STK33: variants seen among roughly 807,000 people sequenced by gnomAD.
The protein encoded by STK33 is serine/threonine-protein kinase 33.
A neutral mutation model predicts 58.0 loss-of-function variants in STK33; 52 were observed. That is an observed-to-expected ratio of 0.90 (90% CI 0.72 to 1.13). The LOEUF is 1.13. Ranked by LOEUF, STK33 falls within the 50% of genes most tolerant of loss-of-function variation. The pLI, the probability that STK33 is intolerant of heterozygous loss-of-function variation, is 0.00. For synonymous variants in STK33, 215 were observed against 200.1 expected, an observed-to-expected ratio of 1.07 and a Z score of -0.63; for missense variants, 630 against 604.2, an observed-to-expected ratio of 1.04 and a Z score of -0.45.
intron 7 of STK33, among the ~76,000 whole-genome samples, chr11:8,463,971 G>GT (rs1947868239): frequency 6.6e-6 from 1 of 152,120 alleles, no homozygotes; most frequent in Non-Finnish European, 1.5e-5. Flanking sequence ...GGGACAAATG[G>GT]TATGTAATTT....
At chr11:8,351,070 G>A in the STK33 span, among the ~76,000 whole-genome samples, 1 of 151,958 alleles carries the variant, frequency 6.6e-6, no homozygotes, top group Non-Finnish European at 1.5e-5. Flanking sequence ...TCCTCTCCTG[G>A]GGTCCCCAGA....
chr11:8,424,586 C>A (rs1321378719), intron 14 of STK33, among the ~76,000 whole-genome samples: 1 of 151,544 alleles, frequency 6.6e-6, no homozygotes, highest in South Asian at 2.1e-4. Flanking sequence ...AATGGTTGAA[C>A]TAGTTTACAG....
chr11:8,499,112 C>G (rs1565200830), intron 1 of STK33, among the ~76,000 whole-genome samples: 1 of 152,164 alleles, frequency 6.6e-6, no homozygotes, highest in African/African-American at 2.4e-5. Flanking sequence ...AGCTTCTGCA[C>G]AGCAAAAGAA....
chr11:8,408,244 C>T (rs1422409913), intron 15 of STK33, among the ~76,000 whole-genome samples: 1 of 152,090 alleles, frequency 6.6e-6, no homozygotes, highest in Non-Finnish European at 1.5e-5. Context: ...GAAATTGAAG[C>T]AATACTTGTT....
At chr11:8,411,160 G>T (rs1287221294) in intron 15 of STK33, among the ~76,000 whole-genome samples, 3 of 152,226 alleles carry the variant, frequency 2.0e-5, no homozygotes, top group Non-Finnish European at 2.9e-5. Flanking sequence ...TTGTCTTAGA[G>T]AATTCAGAGG....
At chr11:8,551,117 G>A (rs1052157551) in intron 1 of STK33, among the ~76,000 whole-genome samples, 1 of 151,996 alleles carries the variant, frequency 6.6e-6, no homozygotes, top group African/African-American at 2.4e-5. Context: ...AATTATTTAA[G>A]TCAGTTATTC....
intron 11 of STK33, among the ~76,000 whole-genome samples, chr11:8,450,678 A>G (rs965406036): frequency 3.3e-5 from 5 of 152,190 alleles, no homozygotes; most frequent in Non-Finnish European, 7.3e-5. Context: ...CATAACCCTA[A>G]CATCAGAAAA....
chr11:8,526,902 T>A (rs536524454), intron 1 of STK33, among the ~76,000 whole-genome samples: 1 of 144,598 alleles, frequency 6.9e-6, no homozygotes, highest in African/African-American at 2.5e-5. Context: ...AAGGTAAAAC[T>A]AGAGACACAT....
At chr11:8,584,110 G>GAAAA (rs35914021) in intron 1 of STK33, among the ~76,000 whole-genome samples, 2 of 126,622 alleles carry the variant, frequency 1.6e-5, no homozygotes, top group African/African-American at 2.9e-5. Flanking sequence ...GAATTTAGAT[G>GAAAA]AAAAAAAAAA....
At chr11:8,440,920 G>A (rs1445563678) in intron 11 of STK33, among the ~76,000 whole-genome samples, 167 bp from the exon 12 acceptor site, 1 of 152,176 alleles carries the variant, frequency 6.6e-6, no homozygotes, top group Non-Finnish European at 1.5e-5. Context: ...CTTAACAATT[G>A]ATGTCACTGT....
At chr11:8,522,219 C>CTATTCA (rs1953520700) in intron 1 of STK33, among the ~76,000 whole-genome samples, 1 of 152,172 alleles carries the variant, frequency 6.6e-6, no homozygotes, top group South Asian at 2.1e-4. Context: ...AGACTTGGAA[C>CTATTCA]CAACCCAAAT....
intron 1 of STK33, among the ~76,000 whole-genome samples, chr11:8,531,198 C>T (rs1205135003): frequency 1.3e-5 from 2 of 151,848 alleles, no homozygotes; most frequent in Non-Finnish European, 2.9e-5. Flanking sequence ...AAAATAAATA[C>T]CCCCCAACTT....
chr11:8,520,488 G>T (rs1430974246), intron 1 of STK33, among the ~76,000 whole-genome samples: 1 of 152,088 alleles, frequency 6.6e-6, no homozygotes, highest in Non-Finnish European at 1.5e-5. Flanking sequence ...TGGAAGTTCT[G>T]GCCAGGGCAA....
chr11:8,565,331 T>C (rs1375686466), intron 1 of STK33, among the ~76,000 whole-genome samples: 1 of 152,182 alleles, frequency 6.6e-6, no homozygotes, highest in African/African-American at 2.4e-5. Flanking sequence ...CTCTCTGCTT[T>C]TGTTGTAATT....
chr11:8,539,628 T>G (rs1219468633), intron 1 of STK33, among the ~76,000 whole-genome samples: 2 of 152,178 alleles, frequency 1.3e-5, no homozygotes, highest in Non-Finnish European at 2.9e-5. Context: ...TGCAGCAGGA[T>G]AGCAAAAGAT....
intron 15 of STK33, among the ~76,000 whole-genome samples, chr11:8,402,260 T>C (rs1166058250): frequency 2.0e-5 from 3 of 152,164 alleles, no homozygotes; most frequent in Non-Finnish European, 4.4e-5. Context: ...ATGAGGCACA[T>C]ATACACCATG....
chr11:8,567,797 C>T (rs1957548087), intron 1 of STK33, among the ~76,000 whole-genome samples: 1 of 152,202 alleles, frequency 6.6e-6, no homozygotes, highest in African/African-American at 2.4e-5. Context: ...ACATTTAGCA[C>T]CTAGCTACAC....
chr11:8,443,599 CAAA>C (rs34212152), intron 11 of STK33, among the ~76,000 whole-genome samples: 1 of 145,118 alleles, frequency 6.9e-6, no homozygotes, highest in Non-Finnish European at 1.5e-5. Flanking sequence ...CACCGTATGG[CAAA>C]AAAAAAAAAG....
At chr11:8,534,492 G>C (rs953803805) in intron 1 of STK33, among the ~76,000 whole-genome samples, 2 of 145,270 alleles carry the variant, frequency 1.4e-5, no homozygotes, top group Non-Finnish European at 3.0e-5. Context: ...TGATCATAAG[G>C]GTATTATTTC....
Sources: gnomAD v4.1 joint callset for allele counts (sites outside exome capture counted in the v4.1 genomes callset) on GRCh38, gnomAD v4.1.1 for gene constraint, MANE v1.5 for transcripts, NCBI Gene and HGNC (gene_info 2026-07-23, HGNC 2026-07-21) for gene names.